SPINK1: variants seen among roughly 807,000 people sequenced by gnomAD.
SPINK1 encodes serine peptidase inhibitor Kazal type 1, also known as serine protease inhibitor Kazal-type 1.
SPINK1 carries 5 observed loss-of-function variants against 9.5 expected under a neutral mutation model. The observed-to-expected ratio is 0.52, with a 90% CI of 0.27 to 1.10. SPINK1 has a LOEUF of 1.10. Among genes scored for constraint, SPINK1 ranks in the 50% least tolerant of loss-of-function variants. SPINK1 has a pLI of 0.11. For missense variants in SPINK1, 88 were observed against 92.7 expected, an observed-to-expected ratio of 0.95 and a Z score of 0.21; for synonymous variants, 37 against 32.3, an observed-to-expected ratio of 1.14 and a Z score of -0.49.
At chr5:147,829,569 A>G in intron 2 of SPINK1, 30 bp downstream of exon 2, 3 of 1,608,306 alleles carry the variant, frequency 1.9e-6, no homozygotes, top group Non-Finnish European at 2.6e-6. Context: ...TTCCAGTCTG[A>G]GAAATAAGAA....
At chr5:147,835,324 A>G (rs1035271404), upstream of SPINK1, among the ~76,000 whole-genome samples, 1 of 152,166 alleles carries the variant, frequency 6.6e-6, no homozygotes, top group Non-Finnish European at 1.5e-5. Flanking sequence ...TATAATTGCT[A>G]GCTAGTAATA....
chr5:147,837,665 C>CTT, the SPINK1 span, among the ~76,000 whole-genome samples: 2 of 130,678 alleles, frequency 1.5e-5, no homozygotes, highest in East Asian at 5.4e-4. Context: ...TTCTTTCTTT[C>CTT]TTTCTTTCTT....
At chr5:147,834,897 T>G (rs1250852966), upstream of SPINK1, among the ~76,000 whole-genome samples, 1 of 152,144 alleles carries the variant, frequency 6.6e-6, no homozygotes, top group Non-Finnish European at 1.5e-5. Flanking sequence ...TAAAACAGTC[T>G]TATTATATGT....
Position 147,824,832 on chromosome 5 carries a change from TTTTCTCTGTCTTTCATTCA to T in SPINK1, c.195-145_195-127del, listed in dbSNP as rs1257692614. Reference sequence around the variant, plus strand: ...TTGGAGAGGTTTGAGATTTATAATCTTTTCTCTGTCTTTCATTCATTTATACATTCACTTAGTCATTAAT... The same window carrying T: ...TTGGAGAGGTTTGAGATTTATAATCTTTTATACATTCACTTAGTCATTAAT... On this transcript the variant is annotated intron_variant, in intron 3 of 3. Coordinates refer to ENST00000296695, the MANE Select transcript of SPINK1 (RefSeq NM_001379610.1). 7 of 829,610 alleles carry T rather than the reference TTTTCTCTGTCTTTCATTCA, an allele frequency of 8.4e-6. No homozygotes were observed. The Middle Eastern group carries it at 1.3e-3, about 151-fold the overall frequency. 51.4% of individuals were successfully genotyped at this position (829,610 alleles called of 1,614,324 possible).
rs1173957171 is a variant in SPINK1 at position 147,828,087 on chromosome 5, A to G, written c.129T>C (p.Tyr43=). The G allele has an allele frequency of 6.2e-7, 1 of 1,613,502 alleles. No homozygotes were observed. Among genetic ancestry groups the G allele is most frequent in the Non-Finnish European group, 8.5e-7 (1 of 1,179,872 alleles). The change falls in exon 3 of 4, where the codon TAT becomes TAC. Residue 43 remains tyrosine (Y), a synonymous_variant. Coordinates refer to ENST00000296695, the MANE Select transcript of SPINK1 (RefSeq NM_001379610.1). ...YNELNGCTKI[Y]DPVCGTDGNT... ...TTCCATCAGTCCCACAGACAGGGTCATATATCTTGGTGCATCCATTAAGTT... is the reference window on the plus strand; with the variant it reads ...TTCCATCAGTCCCACAGACAGGGTCGTATATCTTGGTGCATCCATTAAGTT...
upstream of SPINK1, among the ~76,000 whole-genome samples, chr5:147,834,278 A>G (rs1350520302): frequency 6.6e-6 from 1 of 152,202 alleles, no homozygotes; most frequent in East Asian, 1.9e-4. Flanking sequence ...ATTTCTGAAG[A>G]CCAAGGTTTA....
the SPINK1 span, among the ~76,000 whole-genome samples, chr5:147,838,118 C>T: frequency 2.0e-5 from 3 of 152,154 alleles, no homozygotes; most frequent in Non-Finnish European, 4.4e-5. Flanking sequence ...CTCTAAGTCT[C>T]GTTTTCCAGA....
intron 3 of SPINK1, among the ~76,000 whole-genome samples, chr5:147,825,099 G>C (rs1022462730): frequency 6.6e-6 from 1 of 152,084 alleles, no homozygotes; most frequent in Non-Finnish European, 1.5e-5. Context: ...CTAATTGATT[G>C]ACCTTTCATC....
At chr5:147,836,260 C>T (rs1244965972), upstream of SPINK1, among the ~76,000 whole-genome samples, 1 of 150,670 alleles carries the variant, frequency 6.6e-6, no homozygotes, top group Non-Finnish European at 1.5e-5. Context: ...TTTTCTTGTT[C>T]CTGGTAACAG....
Position 147,828,084 on chromosome 5 carries a change from G to A in SPINK1, c.132C>T (p.Asp44=). The change falls in exon 3 of 4, where the codon GAC becomes GAT. Residue 44 remains aspartate (D), a synonymous_variant. Transcript: ENST00000296695. The part of the protein sequence containing the change: ...NELNGCTKIY[D]PVCGTDGNTY... ...TATTTCCATCAGTCCCACAGACAGG[G>A]TCATATATCTTGGTGCATCCATTAA... 1 of 1,613,458 alleles carries A rather than the reference G, an allele frequency of 6.2e-7. No individual in the cohort carries two copies. The highest frequency in any genetic ancestry group is 8.5e-7 in the Non-Finnish European group (1 of 1,179,834).
Position 147,828,023 on chromosome 5 carries a change from G to A in SPINK1, c.193C>T (p.Arg65Trp), listed in dbSNP as rs536203389. The A allele has an allele frequency of 1.4e-5, 22 of 1,610,406 alleles. No homozygotes were observed. The highest frequency in any genetic ancestry group is 4.5e-5 in the East Asian group (2 of 44,708). Residue 65 changes from arginine (R) to tryptophan (W), a missense_variant and splice_region_variant, in exon 3 of 4, where the codon CGG becomes TGG. Physicochemically the swap from Arg to Trp is moderately radical, Grantham distance 101. Coordinates refer to ENST00000296695, the MANE Select transcript of SPINK1 (RefSeq NM_001379610.1). ...AAAGAAACTCAAGTTTGTACTCACC[G>A]ATTTTCAAAACATAACACGCATTCA... ...PNECVLCFEN[R>W]KRQTSILIQK...
chr5:147,836,308 G>GTGTGT (rs1331583756), upstream of SPINK1, among the ~76,000 whole-genome samples: 1 of 151,102 alleles, frequency 6.6e-6, no homozygotes, highest in African/African-American at 2.4e-5. Flanking sequence ...GTGTGTGTGT[G>GTGTGT]TGTGTGTGTG....
chr5:147,829,502 A>AAG (rs1756471354), intron 2 of SPINK1, 97 bp downstream of exon 2: 2 of 1,197,704 alleles, frequency 1.7e-6, no homozygotes, highest in Non-Finnish European at 2.5e-6. Flanking sequence ...TACTCCTCTT[A>AAG]ACTTCAGGCT....
intron 1 of SPINK1, 90 bp downstream of exon 1, chr5:147,831,433 G>A (rs927170008): frequency 7.9e-6 from 12 of 1,522,364 alleles, no homozygotes; most frequent in Middle Eastern, 1.7e-4. Flanking sequence ...TCGAAGACTA[G>A]ACTACATCAA....
rs529700934 is a variant in SPINK1, at chr5:147,829,781, A to G, written c.56-151T>C. 4.6e-3 allele frequency: 3,702 copies of G among 801,042 alleles called. 28 individuals are homozygous for G. Among genetic ancestry groups the G allele is most frequent in the South Asian group, 9.6e-3 (627 of 65,352 alleles). 49.6% of individuals were successfully genotyped at this position (801,042 alleles called of 1,614,324 possible). A position where few individuals can be genotyped will look rare whatever the true frequency, so the allele number is the denominator to read the frequency against. On this transcript the variant is annotated intron_variant, in intron 1 of 3. Coordinates refer to ENST00000296695, the MANE Select transcript of SPINK1 (RefSeq NM_001379610.1). ...TTTCTGATTTCTCTAATCTTCCAAA[A>G]GTATCTGACTGATTTTCCTGTACCC...
At chr5:147,835,336 T>C (rs990979368), upstream of SPINK1, among the ~76,000 whole-genome samples, 5 of 152,154 alleles carry the variant, frequency 3.3e-5, no homozygotes, top group Non-Finnish European at 5.9e-5. Flanking sequence ...CTAGTAATAA[T>C]ATCACCCTCC....
the SPINK1 span, among the ~76,000 whole-genome samples, chr5:147,837,364 G>A: frequency 6.6e-6 from 1 of 152,124 alleles, no homozygotes; most frequent in Non-Finnish European, 1.5e-5. Context: ...ACCCCTCTGT[G>A]GGGTTTGAAA....
At chr5:147,837,568 C>G in the SPINK1 span, among the ~76,000 whole-genome samples, 1 of 152,138 alleles carries the variant, frequency 6.6e-6, no homozygotes, top group Non-Finnish European at 1.5e-5. Context: ...TGCCCTTTCT[C>G]TTTCCTTATA....
Position 147,824,635 on chromosome 5 carries a change from C to G in SPINK1, c.*26G>C, listed in dbSNP as rs758164084. 1.2e-6 allele frequency: 2 copies of G among 1,613,032 alleles called. No individual in the cohort carries two copies. Among genetic ancestry groups the G allele is most frequent in the Non-Finnish European group, 1.7e-6 (2 of 1,179,154 alleles). ...AAGGCCAGTCAGGCCTCGCGGTGACCTGATGGGATTTCAAAACCTTGGTTC... is the reference window on the plus strand; with the variant it reads ...AAGGCCAGTCAGGCCTCGCGGTGACGTGATGGGATTTCAAAACCTTGGTTC... On this transcript the variant is annotated 3_prime_UTR_variant, in exon 4 of 4. Coordinates refer to ENST00000296695, the MANE Select transcript of SPINK1 (RefSeq NM_001379610.1).
Sources: gnomAD v4.1 joint callset for allele counts (sites outside exome capture counted in the v4.1 genomes callset) on GRCh38, gnomAD v4.1.1 for gene constraint, MANE v1.5 for transcripts, NCBI Gene and HGNC (gene_info 2026-07-23, HGNC 2026-07-21) for gene names.